ELL: variants seen among roughly 807,000 people sequenced by gnomAD.
The protein encoded by ELL is elongation factor for RNA polymerase II, also known as RNA polymerase II elongation factor ELL.
Under a neutral mutation model 64.0 loss-of-function variants are expected in ELL, and 18 were observed. The ratio of observed to expected loss-of-function variants is 0.28; its 90% CI spans 0.19 to 0.42. The LOEUF is 0.42. ELL is among the 10% of genes least tolerant of loss of function. The pLI is 1.00. For synonymous variants in ELL, 399 were observed against 376.2 expected, an observed-to-expected ratio of 1.06 and a Z score of -0.70; for missense variants, 797 against 870.4, an observed-to-expected ratio of 0.92 and a Z score of 1.06.
Position 18,443,879 on chromosome 19 carries a change from A to G in ELL, c.*873T>C. ...ACGGAGGGAGGCCAGCAGCATCGAG[A>G]CCACAAGGTCTCAACAGTGTGGAAT... On this transcript the variant is annotated 3_prime_UTR_variant, in exon 12 of 12. Coordinates refer to ENST00000262809, the MANE Select transcript of ELL (RefSeq NM_006532.4). 4.3e-6 allele frequency: 1 copy of G among 233,016 alleles called. No individual in the cohort carries two copies. The highest frequency in any genetic ancestry group is 8.5e-6 in the Non-Finnish European group (1 of 117,896). The allele number at this position is 233,016 out of a possible 1,614,324, so 14.4% of individuals were successfully genotyped here.
intron 1 of ELL, among the ~76,000 whole-genome samples, chr19:18,499,585 C>A (rs2144963226): frequency 6.6e-6 from 1 of 152,322 alleles, no homozygotes; most frequent in South Asian, 2.1e-4. Context: ...CCTCAGCCCA[C>A]CGTGTGGCTG....
At position 18,449,735 on chromosome 19, in the gene ELL, A is replaced by G. The variant is rs1974482470; in HGVS notation, c.1465+742T>C. ...CAACTGGCCGCCATCGCCACATGGG[A>G]CCACTGCAGCCCCTGTCGCACATGG... is the stretch of plus-strand genomic sequence containing the variant. On this transcript the variant is annotated intron_variant, in intron 8 of 11. Coordinates refer to ENST00000262809, the MANE Select transcript of ELL (RefSeq NM_006532.4). The surrounding 1 kb of genome is among the most constrained non-coding windows in gnomAD (Gnocchi z 4.4). 6.6e-6 allele frequency among the ~76,000 whole-genome samples: 1 copy of G among 152,128 alleles called. No individual in the cohort carries two copies. The highest frequency in any genetic ancestry group is 2.1e-4 in the South Asian group (1 of 4,828).
intron 1 of ELL, among the ~76,000 whole-genome samples, chr19:18,507,931 G>A (rs1251238696): frequency 6.6e-6 from 1 of 152,194 alleles, no homozygotes; most frequent in African/African-American, 2.4e-5. Context: ...CTGACTCCAT[G>A]CGGCAGCTGC....
At chr19:18,514,513 CAAAAAAAAAA>C (rs557236460) in intron 1 of ELL, among the ~76,000 whole-genome samples, 3 of 39,312 alleles carry the variant, frequency 7.6e-5, no homozygotes, top group East Asian at 7.4e-4. Flanking sequence ...GACTCCATCT[CAAAAAAAAAA>C]AAAAAAAAAA....
intron 6 of ELL, among the ~76,000 whole-genome samples, chr19:18,455,586 G>A (rs1285466793): frequency 1.3e-5 from 2 of 151,818 alleles, no homozygotes; most frequent in African/African-American, 4.8e-5. Flanking sequence ...TGGCTCACAT[G>A]TGTAATCCCA....
chr19:18,457,430 A>T (rs1420382743), intron 6 of ELL, among the ~76,000 whole-genome samples: 1 of 152,172 alleles, frequency 6.6e-6, no homozygotes, highest in East Asian at 1.9e-4. Flanking sequence ...CCTGACCTGC[A>T]CACCCAGGGT....
At chr19:18,445,824 C>A (rs1974402619) in intron 10 of ELL, among the ~76,000 whole-genome samples, 1 of 152,026 alleles carries the variant, frequency 6.6e-6, no homozygotes, top group Non-Finnish European at 1.5e-5. Flanking sequence ...GAGCTGTGAG[C>A]TCAAGCCAGG....
chr19:18,454,002 G>A (rs977295965), intron 6 of ELL, among the ~76,000 whole-genome samples: 8 of 152,178 alleles, frequency 5.3e-5, no homozygotes, highest in South Asian at 2.1e-4. Context: ...AGTTACCAGG[G>A]GCTGGGAGCA....
chr19:18,443,286 A>G lies in ELL; in HGVS notation c.*1466T>C. 4.3e-6 allele frequency: 1 copy of G among 233,176 alleles called. No homozygotes were observed. The highest frequency in any genetic ancestry group is 8.5e-6 in the Non-Finnish European group (1 of 117,822). 14.4% of individuals were successfully genotyped at this position (233,176 alleles called of 1,614,324 possible). A position where few individuals can be genotyped will look rare whatever the true frequency, so the allele number is the denominator to read the frequency against. On this transcript the variant is annotated 3_prime_UTR_variant, in exon 12 of 12. Transcript: ENST00000262809. The stretch of plus-strand genomic sequence containing the variant: ...GGAGCTCTGGGAACCCGGGGGTCCC[A>G]AAGGAGAGAGACTCTCGGGCAGGGG...
chr19:18,518,773 A>C (rs1976186510), intron 1 of ELL, among the ~76,000 whole-genome samples: 1 of 151,844 alleles, frequency 6.6e-6, no homozygotes, highest in Non-Finnish European at 1.5e-5. Flanking sequence ...CTTGGGCGAC[A>C]GGGCAAGACC....
intron 1 of ELL, among the ~76,000 whole-genome samples, chr19:18,491,249 ATTTTTTTTTTTTTTTTTTTTT>A (rs565016319): frequency 0.18 from 13,038 of 72,596 alleles, 1,122 homozygotes; most frequent in South Asian, 0.3. Flanking sequence ...CACCTGGCTA[ATTTTTTTTTTTTTTTTTTTTT>A]TTTTTTTTTT....
chr19:18,485,026 C>T (rs1000547654), intron 1 of ELL, among the ~76,000 whole-genome samples: 4 of 152,168 alleles, frequency 2.6e-5, no homozygotes, highest in African/African-American at 7.2e-5. Flanking sequence ...GGGTTCCTGA[C>T]GTTTCTGAGG....
At chr19:18,464,439 G>A (rs999605302) in intron 4 of ELL, among the ~76,000 whole-genome samples, 4 of 152,124 alleles carry the variant, frequency 2.6e-5, no homozygotes, top group Non-Finnish European at 5.9e-5. Context: ...CTGTGCTTGG[G>A]GCTTACAGCC....
intron 1 of ELL, among the ~76,000 whole-genome samples, chr19:18,500,355 C>T (rs573423906): frequency 7.2e-5 from 11 of 152,236 alleles, no homozygotes; most frequent in Non-Finnish European, 1.5e-4. Flanking sequence ...GCTTCCTGTG[C>T]ATATCGTGGG....
At chr19:18,500,816 C>T (rs137886500) in intron 1 of ELL, among the ~76,000 whole-genome samples, 253 of 152,330 alleles carry the variant, frequency 1.7e-3, no homozygotes, top group African/African-American at 5.4e-3. Context: ...CTTTTTAATA[C>T]GTCACTGAGG....
intron 1 of ELL, among the ~76,000 whole-genome samples, chr19:18,484,023 G>A (rs1374396289): frequency 6.6e-6 from 1 of 152,212 alleles, no homozygotes; most frequent in African/African-American, 2.4e-5. Flanking sequence ...AACAGGGAAA[G>A]ACGCTGTCGT....
At chr19:18,514,155 C>T (rs1454834300) in intron 1 of ELL, among the ~76,000 whole-genome samples, 2 of 151,936 alleles carry the variant, frequency 1.3e-5, no homozygotes, top group African/African-American at 4.8e-5. Flanking sequence ...CTCTAGGACG[C>T]TTTTATCTGG....
At chr19:18,447,382 G>A (rs530084905) in intron 8 of ELL, among the ~76,000 whole-genome samples, 4 of 152,238 alleles carry the variant, frequency 2.6e-5, no homozygotes, top group African/African-American at 9.6e-5. Context: ...AGATCATCCC[G>A]TCCTTTCCAC....
At chr19:18,512,937 T>C (rs373555319) in intron 1 of ELL, among the ~76,000 whole-genome samples, 18 of 152,248 alleles carry the variant, frequency 1.2e-4, no homozygotes, top group African/African-American at 3.9e-4. Context: ...TTCACCAACA[T>C]ATAAAAAGGA....
Sources: allele counts gnomAD v4.1 joint callset (sites outside exome capture counted in the v4.1 genomes callset), GRCh38; gene constraint gnomAD v4.1.1; non-coding constraint Gnocchi (gnomAD v3.1); transcripts MANE v1.5; gene names NCBI Gene and HGNC (gene_info 2026-07-23, HGNC 2026-07-21).